EEFSEC: variants seen among roughly 807,000 people sequenced by gnomAD.
EEFSEC encodes the protein selenocysteine-specific elongation factor.
A neutral mutation model predicts 42.1 loss-of-function variants in EEFSEC; 43 were observed. That is an observed-to-expected ratio of 1.02 (90% confidence interval 0.80 to 1.32). The LOEUF is 1.32. Ranked by LOEUF, EEFSEC falls within the 40% of genes most tolerant of loss-of-function variation. The pLI is 0.00. For synonymous variants in EEFSEC, 354 were observed against 339.1 expected (o/e 1.04, Z -0.48); for missense variants, 745 against 803.6 (o/e 0.93, Z 0.88).
chr3:128,261,773 GC>G (rs1392410743), intron 2 of EEFSEC, among the ~76,000 whole-genome samples: 14 of 152,160 alleles, frequency 9.2e-5, no homozygotes, highest in Admixed American at 6.5e-5. Flanking sequence ...TCTTCAGAAG[GC>G]TGAGATGTAT....
At chr3:128,374,690 A>G (rs1229411768) in intron 6 of EEFSEC, among the ~76,000 whole-genome samples, 3 of 152,274 alleles carry the variant, frequency 2.0e-5, no homozygotes, top group Middle Eastern at 3.4e-3. Flanking sequence ...AAAAAAAATG[A>G]AAAACAATAA....
At chr3:128,343,794 T>A (rs971935504) in intron 5 of EEFSEC, among the ~76,000 whole-genome samples, 1 of 152,176 alleles carries the variant, frequency 6.6e-6, no homozygotes, top group African/African-American at 2.4e-5. Context: ...CCAGGAGACA[T>A]GCCTGGCCTA....
At chr3:128,252,968 C>A (rs1285954600) in intron 2 of EEFSEC, among the ~76,000 whole-genome samples, 1 of 152,154 alleles carries the variant, frequency 6.6e-6, no homozygotes, top group Admixed American at 6.5e-5. Flanking sequence ...ACCCCAGACA[C>A]CAATCCAGTG....
intron 6 of EEFSEC, among the ~76,000 whole-genome samples, chr3:128,386,993 G>T (rs2067847220): frequency 6.6e-6 from 1 of 152,230 alleles, no homozygotes. Context: ...CTCCTCCCAG[G>T]CAGGGCTGCC....
chr3:128,422,673 T>C, the EEFSEC span, among the ~76,000 whole-genome samples: 2 of 152,220 alleles, frequency 1.3e-5, no homozygotes, highest in Admixed American at 6.5e-5. Flanking sequence ...CCTCAACCCT[T>C]GCTTGGGCCA....
chr3:128,329,412 AC>A (rs577323878), intron 4 of EEFSEC, among the ~76,000 whole-genome samples: 370 of 137,866 alleles, frequency 2.7e-3, no homozygotes, highest in African/African-American at 5.9e-3. Flanking sequence ...ACCCAGCCCC[AC>A]CCCCCCCCAC....
At chr3:128,158,109 A>G (rs1027710168) in intron 1 of EEFSEC, among the ~76,000 whole-genome samples, 1 of 152,222 alleles carries the variant, frequency 6.6e-6, no homozygotes, top group African/African-American at 2.4e-5. Context: ...GTCACTGCAG[A>G]TGTGGTAGAA....
chr3:128,303,616 T>C (rs1039407171), intron 4 of EEFSEC, among the ~76,000 whole-genome samples: 2 of 152,232 alleles, frequency 1.3e-5, no homozygotes, highest in African/African-American at 4.8e-5. Flanking sequence ...AAATGAGCTC[T>C]GTGTCAGTTG....
At chr3:128,391,952 G>A (rs973046894) in intron 6 of EEFSEC, among the ~76,000 whole-genome samples, 7 of 152,232 alleles carry the variant, frequency 4.6e-5, no homozygotes, top group African/African-American at 1.2e-4. Context: ...GTCTGCAAGC[G>A]CTTCCAGAAG....
At chr3:128,395,443 C>A (rs779119515) in intron 6 of EEFSEC, among the ~76,000 whole-genome samples, 11 of 152,224 alleles carry the variant, frequency 7.2e-5, no homozygotes, top group Non-Finnish European at 1.5e-4. Context: ...CCTCTGAATG[C>A]CCGGGTGTGA....
intron 4 of EEFSEC, among the ~76,000 whole-genome samples, chr3:128,287,372 G>C (rs1215108907): frequency 6.6e-6 from 1 of 152,180 alleles, no homozygotes; most frequent in Non-Finnish European, 1.5e-5. Context: ...CTGGGAAGTG[G>C]AGTCCCAGCA....
intron 6 of EEFSEC, among the ~76,000 whole-genome samples, chr3:128,360,826 C>T (rs2067517060): frequency 1.3e-5 from 2 of 152,142 alleles, no homozygotes; most frequent in South Asian, 2.1e-4. Context: ...AGTCTGCCTG[C>T]TTCCTGTTTG....
intron 1 of EEFSEC, among the ~76,000 whole-genome samples, chr3:128,239,561 C>T (rs1344854273): frequency 6.6e-6 from 1 of 152,146 alleles, no homozygotes; most frequent in Non-Finnish European, 1.5e-5. Context: ...AGGTGGGCTT[C>T]CAAGCTGCCA....
At chr3:128,384,149 A>T (rs1263840929) in intron 6 of EEFSEC, among the ~76,000 whole-genome samples, 1 of 152,190 alleles carries the variant, frequency 6.6e-6, no homozygotes, top group Non-Finnish European at 1.5e-5. Context: ...GGCAGTACTG[A>T]GTTCCATCTT....
chr3:128,249,782 T>C (rs760828522), intron 2 of EEFSEC, among the ~76,000 whole-genome samples: 12 of 152,226 alleles, frequency 7.9e-5, no homozygotes, highest in Non-Finnish European at 1.6e-4. Context: ...CTTTTTGTGG[T>C]TGCATAGTGT....
chr3:128,411,141 C>G (rs2068171130), downstream of EEFSEC, among the ~76,000 whole-genome samples: 1 of 152,246 alleles, frequency 6.6e-6, no homozygotes, highest in Non-Finnish European at 1.5e-5. Flanking sequence ...TGCAGCCTAG[C>G]CGGGACGGTG....
Position 128,341,877 on chromosome 3 carries a change from C to A in EEFSEC, c.1431C>A (p.Gly477=), listed in dbSNP as rs913794681. The change falls in exon 5 of 7, where the codon GGC becomes GGA. Residue 477 remains glycine, a synonymous_variant. Transcript: ENST00000254730. ...TGTACAAGCTGAAGCACAAGCATGG[C>A]CTTGTGGAGCGGGTGAGCATGCCCT... ...LKVYKLKHKH[G]LVERAMDDYS... The A allele has an allele frequency of 1.2e-6, 2 of 1,612,776 alleles. No individual in the cohort carries two copies. Among genetic ancestry groups the A allele is most frequent in the African/African-American group, 2.7e-5 (2 of 75,062 alleles).
At chr3:128,412,275 T>C (rs1307917337), downstream of EEFSEC, among the ~76,000 whole-genome samples, 2 of 152,234 alleles carry the variant, frequency 1.3e-5, no homozygotes, top group African/African-American at 4.8e-5. Context: ...GCCAGACCCC[T>C]GTCTGGGGAG....
chr3:128,171,412 A>G (rs953628132), intron 1 of EEFSEC, among the ~76,000 whole-genome samples: 1 of 152,234 alleles, frequency 6.6e-6, no homozygotes, highest in African/African-American at 2.4e-5. Context: ...AGAGGTTAAA[A>G]AGTGTTGCAA....
Sources: allele counts gnomAD v4.1 joint callset (sites outside exome capture counted in the v4.1 genomes callset), GRCh38; gene constraint gnomAD v4.1.1; transcripts MANE v1.5; gene names NCBI Gene and HGNC (gene_info 2026-07-23, HGNC 2026-07-21).